PHLPP1: variants seen among roughly 807,000 people sequenced by gnomAD.
PHLPP1 encodes PH domain and leucine rich repeat protein phosphatase 1.
In PHLPP1, 42 loss-of-function variants were observed where a neutral mutation model predicts 117.2. That is an observed-to-expected ratio of 0.36 (90% CI 0.28 to 0.46). The LOEUF is 0.46. Among genes scored for constraint, PHLPP1 ranks in the 20% least tolerant of loss-of-function variants. PHLPP1 has a pLI of 1.00. For synonymous variants in PHLPP1, 1,042 were observed against 970.7 expected, an observed-to-expected ratio of 1.07 and a Z score of -1.37; for missense variants, 2,084 against 2,241.9, an observed-to-expected ratio of 0.93 and a Z score of 1.42.
chr18:62,918,497 G>T (rs1417093530), intron 9 of PHLPP1, among the ~76,000 whole-genome samples: 1 of 150,374 alleles, frequency 6.7e-6, no homozygotes, highest in South Asian at 2.1e-4. Flanking sequence ...TACAGAGACT[G>T]CCCTGTGGTA....
intron 1 of PHLPP1, among the ~76,000 whole-genome samples, chr18:62,748,038 G>T (rs1278139725): frequency 6.6e-6 from 1 of 152,002 alleles, no homozygotes; most frequent in Non-Finnish European, 1.5e-5. Flanking sequence ...TCTAATTGTT[G>T]GGTGTTGGTT....
intron 1 of PHLPP1, among the ~76,000 whole-genome samples, chr18:62,783,807 C>T (rs1487261764): frequency 6.6e-6 from 1 of 151,984 alleles, no homozygotes. Context: ...TGACTGTAGG[C>T]ACAACAGTCC....
At chr18:62,976,400 G>A (rs1484354489) in intron 16 of PHLPP1, among the ~76,000 whole-genome samples, 2 of 152,192 alleles carry the variant, frequency 1.3e-5, no homozygotes, top group African/African-American at 4.8e-5. Context: ...ACAAAACCTC[G>A]TTGTTGAGTA....
chr18:62,854,893 C>T (rs1173857966), intron 3 of PHLPP1, among the ~76,000 whole-genome samples: 1 of 152,006 alleles, frequency 6.6e-6, no homozygotes, highest in Non-Finnish European at 1.5e-5. Context: ...GAAGGGGTTT[C>T]ACCATGTTGG....
intron 14 of PHLPP1, among the ~76,000 whole-genome samples, chr18:62,969,293 A>C (rs1910987640): frequency 6.6e-6 from 1 of 152,082 alleles, no homozygotes. Flanking sequence ...GGAAGCTTAG[A>C]TTATTGATTT....
chr18:62,886,955 A>G (rs1176208093), intron 4 of PHLPP1, among the ~76,000 whole-genome samples: 1 of 152,206 alleles, frequency 6.6e-6, no homozygotes, highest in Non-Finnish European at 1.5e-5. Flanking sequence ...AAATGAAGTC[A>G]GTCTTTTCAG....
chr18:62,844,825 A>C (rs910333098), intron 3 of PHLPP1, among the ~76,000 whole-genome samples: 1 of 152,210 alleles, frequency 6.6e-6, no homozygotes, highest in Non-Finnish European at 1.5e-5. Context: ...AAAAGGGCAT[A>C]TTGTGAGCTA....
intron 3 of PHLPP1, among the ~76,000 whole-genome samples, chr18:62,840,516 TA>T (rs1362487190): frequency 6.6e-6 from 1 of 152,228 alleles, no homozygotes; most frequent in Non-Finnish European, 1.5e-5. Context: ...ATTGGGCTTT[TA>T]TATTTATAAT....
Position 62,948,965 on chromosome 18 carries a change from T to C in PHLPP1, c.3324+3694T>C, listed in dbSNP as rs559556801. 2.6e-5 allele frequency among the ~76,000 whole-genome samples: 4 copies of C among 152,298 alleles called. No homozygotes were observed. In the East Asian group the frequency reaches 7.7e-4, roughly 29 times the overall value. ...AAGTCTTCATTGTAAAGTGTGCCTA[T>C]TTTTATGTATTTTATGTAAACTAAG... On this transcript the variant is annotated intron_variant, in intron 12 of 16. Coordinates refer to ENST00000262719, the MANE Select transcript of PHLPP1 (RefSeq NM_194449.4).
intron 15 of PHLPP1, among the ~76,000 whole-genome samples, chr18:62,973,540 T>C (rs1439598738): frequency 6.6e-6 from 1 of 152,202 alleles, no homozygotes; most frequent in East Asian, 1.9e-4. Flanking sequence ...TCCCTTGATA[T>C]TCTGCCAGAG....
At chr18:62,764,520 G>A (rs1243385588) in intron 1 of PHLPP1, among the ~76,000 whole-genome samples, 1 of 152,082 alleles carries the variant, frequency 6.6e-6, no homozygotes, top group Non-Finnish European at 1.5e-5. Flanking sequence ...GGGAGGCCAA[G>A]GCAGGTGGAT....
intron 1 of PHLPP1, among the ~76,000 whole-genome samples, chr18:62,746,488 A>C (rs1316480808): frequency 6.6e-6 from 1 of 152,232 alleles, no homozygotes; most frequent in Non-Finnish European, 1.5e-5. Context: ...GATGAACACT[A>C]TTTGAATGAT....
chr18:62,760,040 A>G (rs558659807), intron 1 of PHLPP1, among the ~76,000 whole-genome samples: 2 of 152,316 alleles, frequency 1.3e-5, no homozygotes, highest in South Asian at 4.1e-4. Context: ...TTTCTATTAG[A>G]AATGATAGTA....
At chr18:62,919,492 AAC>A (rs1307554675) in intron 9 of PHLPP1, among the ~76,000 whole-genome samples, 3 of 152,248 alleles carry the variant, frequency 2.0e-5, no homozygotes, top group Admixed American at 1.3e-4. Context: ...GGAAAAACAT[AAC>A]ATTTTCTCAG....
chr18:62,905,309 T>C lies in PHLPP1; in HGVS notation c.2708+25T>C, dbSNP rs552848918. The C allele has an allele frequency of 2.4e-6, 3 of 1,274,828 alleles. No individual in the cohort carries two copies. The African/African-American group carries it at 4.5e-5, about 19-fold the overall frequency. 79.0% of individuals were successfully genotyped at this position (1,274,828 alleles called of 1,614,324 possible). ...GGTAAGAAGTCAAGTCTTAGAGCCC[T>C]CTAGAGTCTACTAGAAAATTATTTA... On this transcript the variant is annotated intron_variant, in intron 8 of 16. Transcript: ENST00000262719.
rs183351040 is a variant in PHLPP1 at position 62,736,814 on chromosome 18, C to T, written c.1576+19555C>T. ...GAGGTTTGTCACTTTCTACTGGTTA[C>T]CATATGTGTGGTAACTCTCAGGAAG... On this transcript the variant is annotated intron_variant, in intron 1 of 16. Coordinates refer to ENST00000262719, the MANE Select transcript of PHLPP1 (RefSeq NM_194449.4). Among the ~76,000 whole-genome samples, 22 of 152,270 alleles carry T rather than the reference C, an allele frequency of 1.4e-4. No homozygotes were observed. In the East Asian group the frequency reaches 3.7e-3, roughly 25 times the overall value.
At chr18:62,717,350 G>C in intron 1 of PHLPP1, 91 bp downstream of exon 1, 1 of 1,489,288 alleles carries the variant, frequency 6.7e-7, no homozygotes, top group Non-Finnish European at 8.9e-7. Flanking sequence ...CCCAACCCAA[G>C]AGTAAGTGCG....
At chr18:62,733,164 ATAGT>A (rs1911273615) in intron 1 of PHLPP1, among the ~76,000 whole-genome samples, 2 of 152,236 alleles carry the variant, frequency 1.3e-5, no homozygotes, top group East Asian at 1.9e-4. Flanking sequence ...TGTGAAAGGA[ATAGT>A]TAGTTGAGCA....
intron 1 of PHLPP1, among the ~76,000 whole-genome samples, chr18:62,785,699 G>C (rs1271666660): frequency 2.0e-5 from 3 of 152,146 alleles, no homozygotes; most frequent in African/African-American, 7.2e-5. Flanking sequence ...TTTTGGCATT[G>C]TTCTTTTCTC....
Sources: gnomAD v4.1 joint callset for allele counts (sites outside exome capture counted in the v4.1 genomes callset) on GRCh38, gnomAD v4.1.1 for gene constraint, MANE v1.5 for transcripts, NCBI Gene and HGNC (gene_info 2026-07-23, HGNC 2026-07-21) for gene names.